Variants in XKR4 observed in about 807,000 individuals in gnomAD.
XKR4 encodes XK related 4, also known as XK-related protein 4.
In XKR4, 12 loss-of-function variants were observed where a neutral mutation model predicts 53.9. The observed-to-expected ratio is 0.22, with a 90% CI of 0.14 to 0.36. XKR4 has a LOEUF of 0.36. XKR4 is among the 10% of genes least tolerant of loss of function. The pLI, the probability that XKR4 is intolerant of heterozygous loss-of-function variation, is 1.00. For missense variants in XKR4, 799 were observed against 859.5 expected, an observed-to-expected ratio of 0.93 and a Z score of 0.88; for synonymous variants, 354 against 362.4, an observed-to-expected ratio of 0.98 and a Z score of 0.26.
intron 1 of XKR4, among the ~76,000 whole-genome samples, chr8:55,127,240 C>CT (rs56093804): frequency 4.7e-4 from 68 of 143,642 alleles, no homozygotes; most frequent in South Asian, 1.8e-3. Flanking sequence ...GTGCCTAACT[C>CT]TTTTTTTTTT....
At chr8:55,372,941 G>A (rs1195402426) in intron 2 of XKR4, among the ~76,000 whole-genome samples, 2 of 152,172 alleles carry the variant, frequency 1.3e-5, no homozygotes, top group Non-Finnish European at 2.9e-5. Context: ...GGAAGGAGAA[G>A]CTGATTCAAT....
intron 1 of XKR4, among the ~76,000 whole-genome samples, chr8:55,229,868 C>CTTTTTTTTTTTTTTTTTTTTTTTTTTTT (rs5891563): frequency 7.1e-6 from 1 of 140,320 alleles, no homozygotes. Context: ...AGTTAATTAG[C>CTTTTTTTTTTTTTTTTTTTTTTTTTTTT]TTTTTTTTTT....
intron 2 of XKR4, among the ~76,000 whole-genome samples, chr8:55,485,350 C>CA (rs532343776): frequency 1.1e-3 from 164 of 151,966 alleles, no homozygotes; most frequent in Non-Finnish European, 2.1e-3. Context: ...CTTATCTGAA[C>CA]AAAAAATCCC....
At chr8:55,241,454 C>G (rs1179134623) in intron 1 of XKR4, among the ~76,000 whole-genome samples, 1 of 151,316 alleles carries the variant, frequency 6.6e-6, no homozygotes, top group Non-Finnish European at 1.5e-5. Flanking sequence ...TCACTGCAGT[C>G]CATCAGCCCA....
chr8:55,111,799 T>C (rs1816236457), intron 1 of XKR4, among the ~76,000 whole-genome samples: 2 of 152,160 alleles, frequency 1.3e-5, no homozygotes, highest in African/African-American at 4.8e-5. Flanking sequence ...GAAAGAACTA[T>C]CCATTATGTC....
intron 2 of XKR4, among the ~76,000 whole-genome samples, chr8:55,446,275 A>G (rs1805345245): frequency 1.3e-5 from 2 of 152,172 alleles, no homozygotes; most frequent in Admixed American, 1.3e-4. Flanking sequence ...CATGGGCTCA[A>G]CCTCAGCAGG....
chr8:55,486,401 T>A (rs1291811182), intron 2 of XKR4, among the ~76,000 whole-genome samples: 1 of 152,252 alleles, frequency 6.6e-6, no homozygotes, highest in Non-Finnish European at 1.5e-5. Flanking sequence ...GAAGTTTTAA[T>A]GTTCTTATAT....
At chr8:55,372,672 A>G (rs1053060555) in intron 2 of XKR4, among the ~76,000 whole-genome samples, 7 of 151,926 alleles carry the variant, frequency 4.6e-5, no homozygotes, top group African/African-American at 9.7e-5. Flanking sequence ...TTTTCACATC[A>G]TGATGTGTAT....
chr8:55,236,081 G>A (rs1385416755), intron 1 of XKR4, among the ~76,000 whole-genome samples: 1 of 152,180 alleles, frequency 6.6e-6, no homozygotes, highest in Non-Finnish European at 1.5e-5. Flanking sequence ...ATCCTAAAGT[G>A]TAACATGTTC....
intron 1 of XKR4, among the ~76,000 whole-genome samples, chr8:55,235,409 T>C (rs987293084): frequency 6.6e-6 from 1 of 152,190 alleles, no homozygotes; most frequent in African/African-American, 2.4e-5. Flanking sequence ...AAATGTAAAA[T>C]ATGGATGCAA....
chr8:55,463,729 C>T (rs1241429950), intron 2 of XKR4, among the ~76,000 whole-genome samples: 1 of 151,806 alleles, frequency 6.6e-6, no homozygotes, highest in East Asian at 1.9e-4. Context: ...AGACCGCTAG[C>T]AAGACTAATA....
In XKR4 at chr8:55,372,014, T is replaced by C. The variant is rs138563491; in HGVS notation, c.1006+14137T>C. 6.3e-4 allele frequency among the ~76,000 whole-genome samples: 96 copies of C among 152,324 alleles called. 2 individuals carry two copies. Among genetic ancestry groups the C allele is most frequent in the South Asian group, 5.8e-3 (28 of 4,832 alleles). On this transcript the variant is annotated intron_variant, in intron 2 of 2. Transcript: ENST00000327381. The stretch of plus-strand genomic sequence containing the variant: ...CTCCTCTCTCCTGCCTCTCCTTCCC[T>C]CTGAGGTGTGGTGAGCACACAGACA...
chr8:55,304,030 C>T (rs537384556), intron 1 of XKR4, among the ~76,000 whole-genome samples: 1 of 151,996 alleles, frequency 6.6e-6, no homozygotes, highest in Non-Finnish European at 1.5e-5. Context: ...TATTTCTTGC[C>T]TTCTGCTAGC....
intron 1 of XKR4, among the ~76,000 whole-genome samples, chr8:55,161,067 C>T (rs1354151407): frequency 3.9e-5 from 6 of 152,126 alleles, no homozygotes; most frequent in Non-Finnish European, 7.3e-5. Context: ...TTCTGAGCTT[C>T]GGCTTTGGTG....
chr8:55,255,435 CTT>C (rs1163373256), intron 1 of XKR4, among the ~76,000 whole-genome samples: 1 of 152,086 alleles, frequency 6.6e-6, no homozygotes, highest in Admixed American at 6.5e-5. Flanking sequence ...ATCCCAATAA[CTT>C]TTTATTTTCA....
In XKR4 at chr8:55,504,940, C is replaced by G. The variant is rs151329041; in HGVS notation, c.1007-18341C>G. On this transcript the variant is annotated intron_variant, in intron 2 of 2. Coordinates refer to ENST00000327381, the MANE Select transcript of XKR4 (RefSeq NM_052898.2). ...GCTACTGATTTTAATAATTGAGGTT[C>G]TTTTTTTTTCTTAATCTAGCTAAAG... Among the ~76,000 whole-genome samples the G allele has an allele frequency of 5.4e-3, 818 of 151,136 alleles. 7 individuals carry two copies. The highest frequency in any genetic ancestry group is 0.019 in the African/African-American group (782 of 41,208).
chr8:55,472,617 G>C (rs1014870797), intron 2 of XKR4, among the ~76,000 whole-genome samples: 22 of 152,198 alleles, frequency 1.4e-4, no homozygotes, highest in Admixed American at 7.2e-4. Context: ...ATGGGGTCCT[G>C]CAACTCCAGA....
intron 2 of XKR4, among the ~76,000 whole-genome samples, chr8:55,510,548 G>A (rs1806610612): frequency 1.3e-5 from 2 of 152,064 alleles, no homozygotes; most frequent in African/African-American, 4.8e-5. Context: ...ACTCAGGGAT[G>A]GGCAGATGGG....
At chr8:55,169,596 A>AT (rs1282849678) in intron 1 of XKR4, among the ~76,000 whole-genome samples, 2 of 152,234 alleles carry the variant, frequency 1.3e-5, no homozygotes, top group Non-Finnish European at 2.9e-5. Context: ...CCATCATGAC[A>AT]GCATGGACAC....
Sources: gnomAD v4.1 joint callset for allele counts (sites outside exome capture counted in the v4.1 genomes callset) on GRCh38, gnomAD v4.1.1 for gene constraint, MANE v1.5 for transcripts, NCBI Gene and HGNC (gene_info 2026-07-23, HGNC 2026-07-21) for gene names.